The following TRHDE variants were observed in gnomAD, a reference collection of about 807,000 sequenced individuals.
The protein encoded by TRHDE is thyrotropin-releasing hormone-degrading ectoenzyme.
In TRHDE, 72 loss-of-function variants were observed where a neutral mutation model predicts 125.7. The ratio of observed to expected loss-of-function variants is 0.57; its 90% CI spans 0.47 to 0.70. The LOEUF (loss-of-function observed/expected upper bound fraction) is 0.70, where lower values mean the gene tolerates loss of function less well. Ranked by LOEUF, TRHDE falls within the 30% of genes least tolerant of loss-of-function variation. The pLI is 0.00. For missense variants in TRHDE, 1,110 were observed against 1,327.1 expected (o/e 0.84, Z 2.54); for synonymous variants, 509 against 509.1 (o/e 1.00, Z 0.00).
chr12:72,302,238 G>T (rs1227336299), intron 2 of TRHDE, among the ~76,000 whole-genome samples: 1 of 50,834 alleles, frequency 2.0e-5, no homozygotes, highest in Non-Finnish European at 4.5e-5. Context: ...TTATCTATGT[G>T]TGTGTGTATG....
At chr12:72,210,106 T>A (rs2139361061) in intron 2 of TRHDE, among the ~76,000 whole-genome samples, 1 of 152,300 alleles carries the variant, frequency 6.6e-6, no homozygotes, top group African/African-American at 2.4e-5. Flanking sequence ...AGTTTCAATA[T>A]TAATATTTTT....
intron 12 of TRHDE, among the ~76,000 whole-genome samples, chr12:72,617,223 A>G (rs1476610297): frequency 2.6e-5 from 4 of 152,154 alleles, no homozygotes; most frequent in Non-Finnish European, 4.4e-5. Flanking sequence ...AAGTTTGCTC[A>G]CTATTTATGT....
chr12:72,324,880 C>T (rs1869267928), intron 2 of TRHDE, among the ~76,000 whole-genome samples: 1 of 151,990 alleles, frequency 6.6e-6, no homozygotes, highest in South Asian at 2.1e-4. Flanking sequence ...AAATGATGTT[C>T]TCTTGTCTTT....
chr12:72,120,824 G>A (rs1041665880), intron 2 of TRHDE, among the ~76,000 whole-genome samples: 21 of 151,580 alleles, frequency 1.4e-4, no homozygotes, highest in East Asian at 5.8e-4. Context: ...GACTACAGGC[G>A]TGTGCCACCA....
At position 72,448,417 on chromosome 12, in the gene TRHDE, G is replaced by GA. The variant is rs1875406438; in HGVS notation, c.1316-21336dup. Among the ~76,000 whole-genome samples the GA allele has an allele frequency of 2.6e-5, 4 of 152,090 alleles. No individual in the cohort carries two copies. In the South Asian group the frequency reaches 8.3e-4, roughly 32 times the overall value. ...ATGATAAAACAAATTTACTTCAACT[G>GA]AAAAACATACTATGTAACAATTGTT... On this transcript the variant is annotated intron_variant, in intron 3 of 18. Transcript: ENST00000261180.
chr12:72,098,361 A>G (rs948507207), intron 1 of TRHDE, among the ~76,000 whole-genome samples: 1 of 152,180 alleles, frequency 6.6e-6, no homozygotes, highest in Non-Finnish European at 1.5e-5. Flanking sequence ...TAATATCACA[A>G]CTAGGACCTT....
chr12:72,413,960 T>C (rs1212930894), intron 3 of TRHDE, among the ~76,000 whole-genome samples: 1 of 152,142 alleles, frequency 6.6e-6, no homozygotes, highest in Non-Finnish European at 1.5e-5. Flanking sequence ...GAGATAAGTA[T>C]GCTAGCTCTT....
chr12:72,557,740 G>T (rs1869987860), intron 7 of TRHDE, among the ~76,000 whole-genome samples: 1 of 152,048 alleles, frequency 6.6e-6, no homozygotes, highest in Non-Finnish European at 1.5e-5. Flanking sequence ...AACAAAAATG[G>T]TCTCGTATGT....
At chr12:72,620,779 A>G (rs575689926) in intron 13 of TRHDE, among the ~76,000 whole-genome samples, 8 of 152,194 alleles carry the variant, frequency 5.3e-5, no homozygotes, top group South Asian at 2.1e-4. Context: ...ACATTTGTAC[A>G]TATGTACGCA....
At chr12:72,136,833 G>T (rs186602670) in intron 2 of TRHDE, among the ~76,000 whole-genome samples, 2 of 152,102 alleles carry the variant, frequency 1.3e-5, no homozygotes, top group Non-Finnish European at 2.9e-5. Flanking sequence ...GGCAAAACTC[G>T]CACCTACTGC....
At chr12:72,148,465 C>G (rs1181532693) in intron 2 of TRHDE, among the ~76,000 whole-genome samples, 1 of 152,166 alleles carries the variant, frequency 6.6e-6, no homozygotes, top group Non-Finnish European at 1.5e-5. Flanking sequence ...AATTTTTACT[C>G]TCATTTCTGT....
At chr12:72,320,708 G>T (rs1869049448) in intron 2 of TRHDE, among the ~76,000 whole-genome samples, 1 of 152,118 alleles carries the variant, frequency 6.6e-6, no homozygotes, top group Non-Finnish European at 1.5e-5. Flanking sequence ...TGCAATATGT[G>T]ATAAAATATG....
intron 2 of TRHDE, among the ~76,000 whole-genome samples, chr12:72,260,504 A>G (rs1878925483): frequency 6.6e-6 from 1 of 152,140 alleles, no homozygotes; most frequent in African/African-American, 2.4e-5. Context: ...GGGAGCAACA[A>G]TGCCTGAGCA....
intron 2 of TRHDE, among the ~76,000 whole-genome samples, chr12:72,150,199 G>A (rs963676238): frequency 6.6e-6 from 1 of 152,044 alleles, no homozygotes; most frequent in African/African-American, 2.4e-5. Flanking sequence ...TATAAGATAG[G>A]CAAATATAAT....
At chr12:72,411,223 C>T (rs1300639264) in intron 3 of TRHDE, among the ~76,000 whole-genome samples, 1 of 148,190 alleles carries the variant, frequency 6.7e-6, no homozygotes, top group Non-Finnish European at 1.5e-5. Flanking sequence ...AAAAAAAAAC[C>T]ATACAAAATT....
chr12:72,111,802 G>A (rs182589769), intron 2 of TRHDE, among the ~76,000 whole-genome samples: 3 of 152,010 alleles, frequency 2.0e-5, no homozygotes, highest in East Asian at 3.9e-4. Context: ...GCACTTAGCC[G>A]GCATCTTTCA....
intron 3 of TRHDE, among the ~76,000 whole-genome samples, chr12:72,430,157 A>G (rs950503987): frequency 6.7e-6 from 1 of 150,224 alleles, no homozygotes; most frequent in Admixed American, 6.7e-5. Context: ...ATCCATTTTT[A>G]TTACTAGTTG....
At chr12:72,547,152 T>G (rs1200331031) in intron 7 of TRHDE, among the ~76,000 whole-genome samples, 1 of 87,234 alleles carries the variant, frequency 1.1e-5, no homozygotes, top group Non-Finnish European at 2.2e-5. Flanking sequence ...TTTTTACTTG[T>G]TTTTTTTTTT....
At chr12:72,640,375 C>T (rs969811862) in intron 15 of TRHDE, among the ~76,000 whole-genome samples, 38 of 152,332 alleles carry the variant, frequency 2.5e-4, no homozygotes, top group East Asian at 5.8e-4. Context: ...GCGCACGGTG[C>T]GTGCACCCAC....
Sources: gnomAD v4.1 joint callset for allele counts (sites outside exome capture counted in the v4.1 genomes callset) on GRCh38, gnomAD v4.1.1 for gene constraint, MANE v1.5 for transcripts, NCBI Gene and HGNC (gene_info 2026-07-23, HGNC 2026-07-21) for gene names.